NOX4: variants seen among roughly 807,000 people sequenced by gnomAD.
NOX4 encodes the protein NADPH oxidase 4.
Under a neutral mutation model 87.6 loss-of-function variants are expected in NOX4, and 69 were observed. The observed-to-expected ratio is 0.79, with a 90% CI of 0.65 to 0.96. NOX4 has a LOEUF of 0.96. Ranked by LOEUF, NOX4 falls within the 40% of genes least tolerant of loss-of-function variation. The pLI, the probability that NOX4 is intolerant of heterozygous loss-of-function variation, is 0.00. For missense variants in NOX4, 680 were observed against 681.5 expected (o/e 1.00, Z 0.02); for synonymous variants, 275 against 238.2 (o/e 1.15, Z -1.42).
Position 89,449,441 on chromosome 11 carries a change from T to C in NOX4, c.348A>G (p.Ser116=), listed in dbSNP as rs142433357. 7 of 1,593,638 alleles carry C rather than the reference T, an allele frequency of 4.4e-6. No homozygotes were observed. The African/African-American group carries it at 8.1e-5, about 18-fold the overall frequency. Reference sequence around the variant, plus strand: ...TTTAATATCTTGTGGCTTTCTCACCTGAGAAAATACAGATAGTAACACCAC... The same window carrying C: ...TTTAATATCTTGTGGCTTTCTCACCCGAGAAAATACAGATAGTAACACCAC... ...ITCGVTICIF[S]GVHVAAHLVN... is the part of the protein sequence containing the mutation. Residue 116 remains serine (S), a splice_region_variant and synonymous_variant, in exon 4 of 18, where the codon TCA becomes TCG. Coordinates refer to ENST00000263317, the MANE Select transcript of NOX4 (RefSeq NM_016931.5).
rs1168382024 is a variant in NOX4 at position 89,325,909 on chromosome 11, A to ATATG, written c.*846_*847insCATA. 10 of 122,270 alleles carry ATATG rather than the reference A, an allele frequency of 8.2e-5. No homozygotes were observed. The highest frequency in any genetic ancestry group is 2.6e-4 in the African/African-American group (8 of 30,234). The allele number at this position is 122,270 out of a possible 1,614,324, so 7.6% of individuals were successfully genotyped here. A position where few individuals can be genotyped will look rare whatever the true frequency, so the allele number is the denominator to read the frequency against. ...TGTATATATATATATATATATATAT[A>ATATG]TGTGTGTGTGTGTGTATATATATAT... On this transcript the variant is annotated 3_prime_UTR_variant, in exon 18 of 18. Transcript: ENST00000263317.
At chr11:89,553,984 A>T in the NOX4 span, among the ~76,000 whole-genome samples, 1 of 151,596 alleles carries the variant, frequency 6.6e-6, no homozygotes, top group East Asian at 1.9e-4. Context: ...CAGGGTACTA[A>T]CTCCTTTGAT....
chr11:89,385,382 T>C (rs1415865248), intron 11 of NOX4, among the ~76,000 whole-genome samples: 10 of 152,140 alleles, frequency 6.6e-5, no homozygotes, highest in Admixed American at 6.5e-4. Flanking sequence ...GCAGCTAGCA[T>C]TCCAACTTCT....
chr11:89,408,500 A>C (rs1044398589), intron 8 of NOX4, among the ~76,000 whole-genome samples: 4 of 152,148 alleles, frequency 2.6e-5, no homozygotes, highest in African/African-American at 9.7e-5. Flanking sequence ...TGCTTTCCTA[A>C]ACTACAGATC....
chr11:89,555,676 C>G, the NOX4 span, among the ~76,000 whole-genome samples: 1 of 152,008 alleles, frequency 6.6e-6, no homozygotes, highest in African/African-American at 2.4e-5. Flanking sequence ...GCAATATGAA[C>G]AGAGGCACAA....
upstream of NOX4, among the ~76,000 whole-genome samples, chr11:89,495,357 G>A (rs1946937168): frequency 6.6e-6 from 1 of 151,800 alleles, no homozygotes; most frequent in Non-Finnish European, 1.5e-5. Flanking sequence ...TCTTTGATTT[G>A]TGGCTGTATC....
the NOX4 span, among the ~76,000 whole-genome samples, chr11:89,554,520 T>C: frequency 6.6e-6 from 1 of 152,146 alleles, no homozygotes; most frequent in Non-Finnish European, 1.5e-5. Context: ...AAAAGCAACT[T>C]GCCTAGATCC....
the NOX4 span, among the ~76,000 whole-genome samples, chr11:89,506,821 T>A: frequency 1.8e-4 from 28 of 151,974 alleles, no homozygotes; most frequent in African/African-American, 6.5e-4. Flanking sequence ...CAAACATAAC[T>A]AAACACCATT....
chr11:89,460,068 G>C (rs1054939934), intron 2 of NOX4, among the ~76,000 whole-genome samples: 22 of 152,160 alleles, frequency 1.4e-4, no homozygotes, highest in East Asian at 3.9e-4. Context: ...GGAAAGGATT[G>C]CCTATTTAAT....
chr11:89,491,770 A>G (rs1946867137), upstream of NOX4, among the ~76,000 whole-genome samples: 1 of 151,474 alleles, frequency 6.6e-6, no homozygotes, highest in Non-Finnish European at 1.5e-5. Context: ...ACACACAAGA[A>G]GACACAGCTC....
chr11:89,535,233 T>A, the NOX4 span, among the ~76,000 whole-genome samples: 1 of 152,248 alleles, frequency 6.6e-6, no homozygotes, highest in African/African-American at 2.4e-5. Flanking sequence ...TTTATGAATA[T>A]GTGTTACAGA....
chr11:89,484,316 T>A lies in NOX4; in HGVS notation c.153+6142A>T, dbSNP rs560606050. On this transcript the variant is annotated intron_variant, in intron 2 of 17. Transcript: ENST00000263317. Reference sequence around the variant, plus strand: ...AAAGTATTGTGAAATCAGAATAAATTTAAATAAAAATGCTCATAATTCCTT... The same window carrying A: ...AAAGTATTGTGAAATCAGAATAAATATAAATAAAAATGCTCATAATTCCTT... Among the ~76,000 whole-genome samples the A allele has an allele frequency of 2.0e-5, 3 of 152,144 alleles. No individual in the cohort carries two copies. The South Asian group carries it at 6.2e-4, about 32-fold the overall frequency.
rs1288620387 is a variant in NOX4, at chr11:89,340,088, T to C, written c.1421A>G (p.Asp474Gly). The C allele has an allele frequency of 1.3e-6, 2 of 1,568,690 alleles. No individual in the cohort carries two copies. Among genetic ancestry groups the C allele is most frequent in the Non-Finnish European group, 1.7e-6 (2 of 1,164,390 alleles). Reference protein sequence around the residue: ...RDIQSFRWFADLLCMLHNKFW... With the variant: ...RDIQSFRWFAGLLCMLHNKFW... ...CTTGTTATGCAACATACAGAGTAAATCTGCAAACCAACGGAAGGACTGGAT... is the reference window on the plus strand; with the variant it reads ...CTTGTTATGCAACATACAGAGTAAACCTGCAAACCAACGGAAGGACTGGAT... The change falls in exon 15 of 18, where the codon GAT (aspartate) becomes GGT (glycine). Residue 474 changes from aspartate to glycine, a missense_variant. By Grantham distance (94) the Asp-to-Gly change is moderately conservative. Coordinates refer to ENST00000263317, the MANE Select transcript of NOX4 (RefSeq NM_016931.5).
At chr11:89,510,984 C>T in the NOX4 span, among the ~76,000 whole-genome samples, 2 of 151,980 alleles carry the variant, frequency 1.3e-5, no homozygotes, top group Non-Finnish European at 2.9e-5. Flanking sequence ...TCAAAAGTCC[C>T]AGATAAACAT....
chr11:89,398,995 T>C (rs1227805760), intron 11 of NOX4, among the ~76,000 whole-genome samples: 1 of 151,952 alleles, frequency 6.6e-6, no homozygotes, highest in African/African-American at 2.4e-5. Flanking sequence ...TGGGAAAATA[T>C]CTGGAAAGAC....
chr11:89,353,988 G>A (rs1009431503), intron 13 of NOX4, among the ~76,000 whole-genome samples: 2 of 152,184 alleles, frequency 1.3e-5, no homozygotes, highest in African/African-American at 4.8e-5. Context: ...TGCACAAGCA[G>A]TATAATTAGG....
chr11:89,553,424 C>A, the NOX4 span, among the ~76,000 whole-genome samples: 2 of 152,160 alleles, frequency 1.3e-5, no homozygotes, highest in East Asian at 3.9e-4. Context: ...GAGGCCTTCC[C>A]AGCCATGTGG....
Position 89,400,305 on chromosome 11 carries a change from C to T in NOX4, c.921G>A (p.Lys307=), listed in dbSNP as rs751236117. The change falls in exon 10 of 18, where the codon AAG becomes AAA. Residue 307 remains lysine (K), a synonymous_variant. Transcript: ENST00000263317. ...ERLYRYIRSN[K]PVTIISVMSH... is the part of the protein sequence containing the mutation. ...TCATGACCGAAATGATGGTGACTGG[C>T]TTATTGCTCCGGATATACCTGTAAA... is the stretch of plus-strand genomic sequence containing the variant. 23 of 1,612,832 alleles carry T rather than the reference C, an allele frequency of 1.4e-5. No individual in the cohort carries two copies. The highest frequency in any genetic ancestry group is 1.9e-5 in the Non-Finnish European group (22 of 1,179,326).
chr11:89,418,233 A>C (rs1308729556), intron 8 of NOX4, among the ~76,000 whole-genome samples: 1 of 151,732 alleles, frequency 6.6e-6, no homozygotes, highest in Non-Finnish European at 1.5e-5. Context: ...TACTCCAAGA[A>C]CATTTAGTTT....
Sources: gnomAD v4.1 joint callset for allele counts (sites outside exome capture counted in the v4.1 genomes callset) on GRCh38, gnomAD v4.1.1 for gene constraint, MANE v1.5 for transcripts, NCBI Gene and HGNC (gene_info 2026-07-23, HGNC 2026-07-21) for gene names.